The following CAPS2 variants were observed in gnomAD, a reference collection of about 807,000 sequenced individuals.
The protein encoded by CAPS2 is calcyphosin-2.
Under a neutral mutation model 86.5 loss-of-function variants are expected in CAPS2, and 98 were observed. The ratio of observed to expected loss-of-function variants is 1.13; its 90% CI spans 0.96 to 1.34. CAPS2 has a LOEUF of 1.34. Among genes scored for constraint, CAPS2 ranks in the 40% most tolerant of loss-of-function variants. The pLI is 0.00. For synonymous variants in CAPS2, 210 were observed against 225.1 expected (o/e 0.93, Z 0.60); for missense variants, 729 against 686.8 (o/e 1.06, Z -0.69).
At chr12:75,355,895 A>G (rs1301744504) in intron 1 of CAPS2, among the ~76,000 whole-genome samples, 1 of 152,110 alleles carries the variant, frequency 6.6e-6, no homozygotes, top group East Asian at 1.9e-4. Context: ...ACCAAACACC[A>G]CATGTTCTCA....
At chr12:75,374,728 C>T (rs1445939117) in intron 1 of CAPS2, among the ~76,000 whole-genome samples, 1 of 152,210 alleles carries the variant, frequency 6.6e-6, no homozygotes, top group East Asian at 1.9e-4. Context: ...ATACTGCTTG[C>T]TTTGCCAACT....
chr12:75,358,702 C>T (rs984825837), intron 1 of CAPS2, among the ~76,000 whole-genome samples: 2 of 143,970 alleles, frequency 1.4e-5, no homozygotes, highest in African/African-American at 5.1e-5. Flanking sequence ...TTTTGTTTTG[C>T]TTTTTTAAAC....
chr12:75,319,472 A>G (rs1188972135), intron 5 of CAPS2, among the ~76,000 whole-genome samples: 1 of 152,052 alleles, frequency 6.6e-6, no homozygotes, highest in African/African-American at 2.4e-5. Context: ...CTTCCGTCAT[A>G]AGTAAAAGCA....
In CAPS2 at chr12:75,299,836, C is replaced by T; in HGVS notation, c.854+1G>A. The T allele has an allele frequency of 6.9e-7, 1 of 1,457,692 alleles. No homozygotes were observed. The highest frequency in any genetic ancestry group is 1.4e-5 in the African/African-American group (1 of 69,964). 90.3% of individuals were successfully genotyped at this position (1,457,692 alleles called of 1,614,324 possible). On this transcript the variant is annotated splice_donor_variant, in intron 9 of 16. Transcript: ENST00000393284. LOFTEE classifies it high-confidence loss of function. ...AAAAATTTTAATAAAATCACAATTA[C>T]CGTGATACGATCCTACCATCAAACT...
chr12:75,372,893 G>T (rs1485261504), intron 1 of CAPS2, among the ~76,000 whole-genome samples: 1 of 152,164 alleles, frequency 6.6e-6, no homozygotes, highest in Admixed American at 6.5e-5. Flanking sequence ...AATTATGGTG[G>T]ATAAGACATT....
intron 1 of CAPS2, among the ~76,000 whole-genome samples, chr12:75,352,332 A>G (rs762681791): frequency 3.3e-5 from 5 of 152,242 alleles, no homozygotes; most frequent in Admixed American, 6.5e-5. Context: ...TGGAAAACAG[A>G]AAAAAGCAGA....
chr12:75,362,265 T>A (rs74108724), intron 1 of CAPS2, among the ~76,000 whole-genome samples: 8,907 of 152,198 alleles, frequency 0.059, 337 homozygotes, highest in African/African-American at 0.11. Flanking sequence ...AAAATGCTCA[T>A]CATCATTCAT....
rs1437672425 is a variant in CAPS2, at chr12:75,325,237, A to G, written c.131+2T>C. On this transcript the variant is annotated splice_donor_variant, in intron 2 of 16. Transcript: ENST00000393284. LOFTEE classifies it high-confidence loss of function. Reference sequence around the variant, plus strand: ...GTCCAAATGTGAAGAAACGTAACTTACACTGGTGGGCAAGAATTCTGGTTT... The same window carrying G: ...GTCCAAATGTGAAGAAACGTAACTTGCACTGGTGGGCAAGAATTCTGGTTT... 1.7e-5 allele frequency: 26 copies of G among 1,549,324 alleles called. No individual in the cohort carries two copies. Among genetic ancestry groups the G allele is most frequent in the South Asian group, 2.4e-5 (2 of 83,626 alleles).
At chr12:75,305,417 C>T in intron 7 of CAPS2, 1 of 441,696 alleles carries the variant, frequency 2.3e-6, no homozygotes, top group Non-Finnish European at 4.3e-6. Context: ...TGCTCCTGGA[C>T]GCAGAGGCTC....
chr12:75,289,688 T>C, exon 14 of CAPS2: 1 of 1,613,434 alleles, frequency 6.2e-7, no homozygotes, highest in Non-Finnish European at 8.5e-7. Flanking sequence ...TAAAAGTCCA[T>C]TTCCTTCCTT....
At chr12:75,347,667 T>C (rs757470199) in intron 1 of CAPS2, 60 of 1,609,160 alleles carry the variant, frequency 3.7e-5, no homozygotes, top group Non-Finnish European at 4.7e-5. Context: ...AGTTGCAATG[T>C]GTCCTAACCT....
intron 1 of CAPS2, among the ~76,000 whole-genome samples, chr12:75,381,034 A>C (rs1055439550): frequency 6.6e-6 from 1 of 152,134 alleles, no homozygotes; most frequent in African/African-American, 2.4e-5. Context: ...TCTTTTAGAG[A>C]CTGATATGGT....
intron 16 of CAPS2, 79 bp downstream of exon 16, chr12:75,282,172 G>A (rs1399379196): frequency 1.2e-6 from 1 of 831,794 alleles, no homozygotes. Flanking sequence ...CTCAGTCTAA[G>A]GTTTAAATTA....
chr12:75,384,897 T>C (rs1266700027), intron 1 of CAPS2, among the ~76,000 whole-genome samples: 2 of 152,244 alleles, frequency 1.3e-5, no homozygotes, highest in Admixed American at 1.3e-4. Flanking sequence ...GAGGCAGTAT[T>C]GAAAGGTGGG....
intron 5 of CAPS2, among the ~76,000 whole-genome samples, chr12:75,317,557 A>C (rs935124390): frequency 6.6e-6 from 1 of 152,156 alleles, no homozygotes; most frequent in Non-Finnish European, 1.5e-5. Context: ...TGATATTTCC[A>C]CTTAATATTT....
chr12:75,366,915 G>A, intron 1 of CAPS2: 1 of 701,658 alleles, frequency 1.4e-6, no homozygotes, highest in Non-Finnish European at 2.6e-6. Context: ...ATGTCAAAAG[G>A]GGTTAACCAC....
intron 6 of CAPS2, 107 bp downstream of exon 6, chr12:75,316,205 A>G: frequency 7.5e-7 from 1 of 1,340,100 alleles, no homozygotes; most frequent in Non-Finnish European, 1.0e-6. Flanking sequence ...TATTCACCCG[A>G]GTTCAAATTC....
intron 11 of CAPS2, 136 bp downstream of exon 11, chr12:75,298,550 GC>G: frequency 1.6e-6 from 1 of 612,816 alleles, no homozygotes; most frequent in Non-Finnish European, 2.8e-6. Context: ...TCAACCATTA[GC>G]CCACACAAAT....
At chr12:75,289,754 T>C (rs748456589) in exon 14 of CAPS2, 2 of 1,612,182 alleles carry the variant, frequency 1.2e-6, no homozygotes, top group Non-Finnish European at 1.7e-6. Flanking sequence ...ACCTCTTTTA[T>C]GTAGTTTTTC....
Sources: allele counts gnomAD v4.1 joint callset (sites outside exome capture counted in the v4.1 genomes callset), GRCh38; gene constraint gnomAD v4.1.1; transcripts MANE v1.5; gene names NCBI Gene and HGNC (gene_info 2026-07-23, HGNC 2026-07-21).